Variants in KDM3B observed in about 807,000 individuals in gnomAD.
The protein encoded by KDM3B is lysine-specific demethylase 3B.
A neutral mutation model predicts 170.0 loss-of-function variants in KDM3B; 10 were observed. The observed-to-expected ratio is 0.06, with a 90% CI of 0.04 to 0.10. The LOEUF (loss-of-function observed/expected upper bound fraction) is 0.10. KDM3B is among the 10% of genes least tolerant of loss of function. The pLI is 1.00. For missense variants in KDM3B, 1,394 were observed against 2,195.2 expected (o/e 0.64, Z 7.29); for synonymous variants, 831 against 834.8 (o/e 1.00, Z 0.08).
chr5:138,383,372 C>T (rs1436812548), intron 6 of KDM3B, among the ~76,000 whole-genome samples: 2 of 151,982 alleles, frequency 1.3e-5, no homozygotes, highest in Admixed American at 1.3e-4. Flanking sequence ...CTCCTGACCT[C>T]GTGATCCGCC....
At chr5:138,401,928 T>C (rs1664289638) in intron 11 of KDM3B, among the ~76,000 whole-genome samples, 1 of 152,136 alleles carries the variant, frequency 6.6e-6, no homozygotes, top group African/African-American at 2.4e-5. Context: ...TTCTTTCTTT[T>C]TTTTTTGTTG....
At chr5:138,428,165 G>A in intron 20 of KDM3B, 79 bp downstream of exon 20, 1 of 1,385,056 alleles carries the variant, frequency 7.2e-7, no homozygotes, top group Non-Finnish European at 9.8e-7. Flanking sequence ...CATCCTTAGG[G>A]CCAGTGGCTT....
At chr5:138,434,581 C>G (rs1452810053) in intron 23 of KDM3B, among the ~76,000 whole-genome samples, 11 of 151,874 alleles carry the variant, frequency 7.2e-5, no homozygotes, top group South Asian at 2.1e-4. Context: ...CCTGACTACC[C>G]TGTTTAGAAT....
Position 138,352,994 on chromosome 5 carries a change from G to T in KDM3B, c.192+7G>T. The T allele has an allele frequency of 1.6e-6, 2 of 1,224,288 alleles. No individual in the cohort carries two copies. Among genetic ancestry groups the T allele is most frequent in the East Asian group, 3.3e-5 (1 of 30,582 alleles). The allele number at this position is 1,224,288 out of a possible 1,614,324, so 75.8% of individuals were successfully genotyped here. ...GGTGCCCCAGGACCTAGCGGTGAGT[G>T]GCGGCCGAGTCGGGCACTCGAGGCC... On this transcript the variant is annotated splice_region_variant and intron_variant, in intron 1 of 23. Coordinates refer to ENST00000314358, the MANE Select transcript of KDM3B (RefSeq NM_016604.4).
Position 138,427,959 on chromosome 5 carries a change from T to G in KDM3B, c.4634-8T>G. 1 of 1,609,342 alleles carries G rather than the reference T, an allele frequency of 6.2e-7. No homozygotes were observed. The highest frequency in any genetic ancestry group is 1.1e-5 in the South Asian group (1 of 90,038). ...CCTTCACCTTGCATATTTTCCTTTCTCCTTTAGGGTTGATAACAGCAGAAG... is the reference window on the plus strand; with the variant it reads ...CCTTCACCTTGCATATTTTCCTTTCGCCTTTAGGGTTGATAACAGCAGAAG... On this transcript the variant is annotated splice_region_variant and splice_polypyrimidine_tract_variant and intron_variant, in intron 19 of 23. Coordinates refer to ENST00000314358, the MANE Select transcript of KDM3B (RefSeq NM_016604.4).
At chr5:138,371,161 T>C (rs1213681752) in intron 1 of KDM3B, among the ~76,000 whole-genome samples, 2 of 152,020 alleles carry the variant, frequency 1.3e-5, no homozygotes, top group Non-Finnish European at 2.9e-5. Flanking sequence ...AGAATTTATA[T>C]AGAAAGTCAA....
At chr5:138,415,440 C>A (rs1257976582) in intron 12 of KDM3B, among the ~76,000 whole-genome samples, 3 of 151,648 alleles carry the variant, frequency 2.0e-5, no homozygotes, top group Non-Finnish European at 4.4e-5. Context: ...TGAAGAGACA[C>A]TTCTGTATTA....
At chr5:138,400,577 C>CCCA (rs1412773500) in intron 11 of KDM3B, among the ~76,000 whole-genome samples, 2 of 151,994 alleles carry the variant, frequency 1.3e-5, no homozygotes, top group African/African-American at 4.8e-5. Context: ...AAGACCCCAT[C>CCCA]TCTACAAAAT....
At chr5:138,418,931 A>C in intron 13 of KDM3B, 22 bp from the exon 14 acceptor site, 1 of 1,609,758 alleles carries the variant, frequency 6.2e-7, no homozygotes, top group Non-Finnish European at 8.5e-7. Flanking sequence ...CACTCTAATT[A>C]TGTTGGCCTT....
intron 1 of KDM3B, among the ~76,000 whole-genome samples, chr5:138,369,808 A>G (rs1761830153): frequency 1.3e-5 from 2 of 152,226 alleles, no homozygotes; most frequent in African/African-American, 4.8e-5. Context: ...AGTGCTTTAT[A>G]ATCAACCAAA....
At chr5:138,422,601 C>T (rs183761363) in intron 15 of KDM3B, among the ~76,000 whole-genome samples, 3 of 152,230 alleles carry the variant, frequency 2.0e-5, no homozygotes, top group East Asian at 1.9e-4. Context: ...GATCGCACCA[C>T]CGCACTCCAG....
At chr5:138,400,599 A>C (rs1273594291) in intron 11 of KDM3B, among the ~76,000 whole-genome samples, 1 of 152,088 alleles carries the variant, frequency 6.6e-6, no homozygotes, top group Non-Finnish European at 1.5e-5. Flanking sequence ...AAATAAAATT[A>C]GCTAGCTAGA....
chr5:138,425,125 A>C (rs955240808), intron 16 of KDM3B, among the ~76,000 whole-genome samples: 1 of 152,252 alleles, frequency 6.6e-6, no homozygotes, highest in Non-Finnish European at 1.5e-5. Context: ...GTGTTCTCAA[A>C]GTTGGACTTG....
At position 138,391,303 on chromosome 5, in the gene KDM3B, C is replaced by T; in HGVS notation, c.1671C>T (p.Phe557=). The change falls in exon 8 of 24, where the codon TTC becomes TTT. Residue 557 remains phenylalanine (F), a synonymous_variant. Coordinates refer to ENST00000314358, the MANE Select transcript of KDM3B (RefSeq NM_016604.4). The surrounding 1 kb of genome is among the most constrained non-coding windows in gnomAD (Gnocchi z 5.0). ...LADDSSSRDS[F]KQSLESLSSG... Reference sequence around the variant, plus strand: ...ATGATTCTTCTAGTCGGGACTCATTCAAACAAAGCCTTGAGAGCCTGAGCT... The same window carrying T: ...ATGATTCTTCTAGTCGGGACTCATTTAAACAAAGCCTTGAGAGCCTGAGCT... The T allele has an allele frequency of 6.2e-7, 1 of 1,614,158 alleles. No individual in the cohort carries two copies. The highest frequency in any genetic ancestry group is 2.2e-5 in the East Asian group (1 of 44,872).
At position 138,386,177 on chromosome 5, in the gene KDM3B, T is replaced by G; in HGVS notation, c.936T>G (p.Asn312Lys). The part of the protein sequence containing the change: ...LKGDRGEVDS[N>K]GSDGGEASRG... Reference sequence around the variant, plus strand: ...GAGACAGGGGTGAAGTAGACAGTAATGGGAGCGATGGAGGTGAGGCAAGCC... The same window carrying G: ...GAGACAGGGGTGAAGTAGACAGTAAGGGGAGCGATGGAGGTGAGGCAAGCC... The change falls in exon 7 of 24, where the codon AAT (asparagine) becomes AAG (lysine). Residue 312 changes from asparagine (N) to lysine (K), a missense_variant. Asn to Lys is a moderately conservative substitution (Grantham distance 94). This residue lies in a region of KDM3B where 205 missense variants were observed against 227.6 expected (regional missense o/e 0.90). Coordinates refer to ENST00000314358, the MANE Select transcript of KDM3B (RefSeq NM_016604.4). The G allele has an allele frequency of 6.2e-7, 1 of 1,613,876 alleles. No homozygotes were observed.
chr5:138,427,683 A>G (rs1214527195), intron 19 of KDM3B, among the ~76,000 whole-genome samples: 1 of 152,218 alleles, frequency 6.6e-6, no homozygotes, highest in Non-Finnish European at 1.5e-5. Context: ...AATCACAGTG[A>G]AAGCTCAGCT....
At chr5:138,353,417 C>T (rs1180189654) in intron 1 of KDM3B, among the ~76,000 whole-genome samples, 1 of 152,236 alleles carries the variant, frequency 6.6e-6, no homozygotes, top group African/African-American at 2.4e-5. Context: ...TTCCTTTTCT[C>T]CCAGAGCCCC....
chr5:138,370,025 C>T (rs895778936), intron 1 of KDM3B, among the ~76,000 whole-genome samples: 2 of 152,156 alleles, frequency 1.3e-5, no homozygotes, highest in Non-Finnish European at 2.9e-5. Flanking sequence ...TTCTTGGTGC[C>T]GGAGTCTGCA....
In KDM3B at chr5:138,392,153, C is replaced by G. The variant is rs779227371; in HGVS notation, c.2521C>G (p.Leu841Val). ...KTGLKGIPEH[L>V]MGKLGPNGER... ...AGGCCTGAAGGGAATTCCAGAGCAC[C>G]TGATGGGGAAGCTGGGCCCCAATGG... The change falls in exon 8 of 24, where the codon CTG (leucine) becomes GTG (valine). Residue 841 changes from leucine to valine, a missense_variant. Around this residue, in one of 19 missense-constraint regions of KDM3B, gnomAD observed 84 missense variants for 135.8 expected, o/e 0.62. Transcript: ENST00000314358. 3 of 1,582,036 alleles carry G rather than the reference C, an allele frequency of 1.9e-6. No individual in the cohort carries two copies. The East Asian group carries it at 6.8e-5, about 36-fold the overall frequency.
Sources: allele counts gnomAD v4.1 joint callset (sites outside exome capture counted in the v4.1 genomes callset), GRCh38; gene constraint gnomAD v4.1.1; regional missense constraint gnomAD v4.1.1; non-coding constraint Gnocchi (gnomAD v3.1); transcripts MANE v1.5; gene names NCBI Gene and HGNC (gene_info 2026-07-23, HGNC 2026-07-21).